The following SPTLC2 variants were observed in gnomAD, a reference collection of about 807,000 sequenced individuals.
SPTLC2 encodes the protein serine palmitoyltransferase long chain base subunit 2.
In SPTLC2, 21 loss-of-function variants were observed where a neutral mutation model predicts 62.0. The observed-to-expected ratio is 0.34, with a 90% CI of 0.24 to 0.49. The LOEUF (loss-of-function observed/expected upper bound fraction) is 0.49. Ranked by LOEUF, SPTLC2 falls within the 20% of genes least tolerant of loss-of-function variation. The probability of loss-of-function intolerance (pLI) is 0.99; values close to 1 mark genes in which losing one functional copy is unlikely to be tolerated. For missense variants in SPTLC2, 511 were observed against 713.0 expected (o/e 0.72, Z 3.23); for synonymous variants, 261 against 261.8 (o/e 1.00, Z 0.03).
chr14:77,522,836 TACATG>T (rs368680097), intron 9 of SPTLC2, among the ~76,000 whole-genome samples: 9 of 152,338 alleles, frequency 5.9e-5, no homozygotes, highest in South Asian at 4.1e-4. Flanking sequence ...CCAAGCATGA[TACATG>T]ACATAAGTTC....
At chr14:77,514,230 G>A (rs2139990600) in intron 11 of SPTLC2, among the ~76,000 whole-genome samples, 1 of 152,118 alleles carries the variant, frequency 6.6e-6, no homozygotes, top group African/African-American at 2.4e-5. Context: ...ACAAAGTAAT[G>A]GACATTTATA....
intron 2 of SPTLC2, among the ~76,000 whole-genome samples, chr14:77,585,922 C>T (rs547028514): frequency 1.3e-5 from 2 of 152,172 alleles, no homozygotes; most frequent in South Asian, 4.1e-4. Flanking sequence ...GAGCATAGCC[C>T]TAAACGTAAA....
chr14:77,591,814 CTCT>C (rs2079819190), intron 2 of SPTLC2, among the ~76,000 whole-genome samples: 1 of 152,100 alleles, frequency 6.6e-6, no homozygotes, highest in Non-Finnish European at 1.5e-5. Context: ...ACCTCCACCT[CTCT>C]GGTTCAAGTG....
chr14:77,571,233 G>C (rs1423502401), intron 4 of SPTLC2, among the ~76,000 whole-genome samples: 1 of 152,202 alleles, frequency 6.6e-6, no homozygotes, highest in Non-Finnish European at 1.5e-5. Context: ...CTTCCTGGCA[G>C]GGTGCAGTGG....
intron 9 of SPTLC2, among the ~76,000 whole-genome samples, chr14:77,529,253 CT>C (rs67561245): frequency 0.34 from 41,362 of 121,536 alleles, 5,982 homozygotes; most frequent in East Asian, 0.41. Flanking sequence ...AAAACTTCTT[CT>C]TTTTTTTTTT....
chr14:77,557,281 A>G, intron 6 of SPTLC2, 135 bp from the exon 7 acceptor site: 1 of 757,942 alleles, frequency 1.3e-6, no homozygotes, highest in Non-Finnish European at 2.2e-6. Context: ...TGGGCAGAAA[A>G]AAGCAGGGCA....
intron 9 of SPTLC2, among the ~76,000 whole-genome samples, chr14:77,536,811 G>T (rs933400113): frequency 1.6e-4 from 25 of 152,028 alleles, no homozygotes; most frequent in African/African-American, 5.6e-4. Context: ...AAACTCCTAT[G>T]GACAATTTTC....
chr14:77,520,070 T>G (rs1290807790), intron 10 of SPTLC2, among the ~76,000 whole-genome samples: 1 of 152,164 alleles, frequency 6.6e-6, no homozygotes, highest in African/African-American at 2.4e-5. Context: ...GTCCTGTACC[T>G]TCTCTAAATC....
At chr14:77,615,638 GATA>G (rs1287195192) in intron 1 of SPTLC2, among the ~76,000 whole-genome samples, 1 of 152,230 alleles carries the variant, frequency 6.6e-6, no homozygotes, top group Admixed American at 6.5e-5. Context: ...CTGTAAGGTT[GATA>G]ATAAGCATTG....
intron 2 of SPTLC2, among the ~76,000 whole-genome samples, chr14:77,595,668 T>C (rs1303661605): frequency 6.6e-6 from 1 of 152,192 alleles, no homozygotes; most frequent in African/African-American, 2.4e-5. Context: ...TAACTGACAA[T>C]GTTTTCGTGA....
intron 9 of SPTLC2, among the ~76,000 whole-genome samples, chr14:77,524,042 CTA>C (rs2079397350): frequency 6.6e-6 from 1 of 151,852 alleles, no homozygotes. Context: ...TAAATATGAT[CTA>C]TATGTTCAAA....
chr14:77,589,984 A>G (rs796081136), intron 2 of SPTLC2, among the ~76,000 whole-genome samples: 11,153 of 151,598 alleles, frequency 0.074, 549 homozygotes, highest in Admixed American at 0.15. Flanking sequence ...TCTCAAAAAA[A>G]AAAAAAAAAA....
At chr14:77,549,953 C>G (rs2079547496) in intron 9 of SPTLC2, among the ~76,000 whole-genome samples, 1 of 152,146 alleles carries the variant, frequency 6.6e-6, no homozygotes, top group Admixed American at 6.5e-5. Flanking sequence ...AACCTGTGTG[C>G]TGAATCAGTA....
At position 77,597,324 on chromosome 14, in the gene SPTLC2, A is replaced by G. The variant is rs1340315883; in HGVS notation, c.189T>C (p.Phe63=). The change falls in exon 2 of 12, where the codon TTT becomes TTC. Residue 63 remains phenylalanine (F), a synonymous_variant. Coordinates refer to ENST00000216484, the MANE Select transcript of SPTLC2 (RefSeq NM_004863.4). ...GLYKRPFNEA[F]EETPMLVAVL... Reference sequence around the variant, plus strand: ...CAGCAACCAGCATTGGTGTTTCTTCAAAAGCTTCATTAAACGGTCTTTTAT... The same window carrying G: ...CAGCAACCAGCATTGGTGTTTCTTCGAAAGCTTCATTAAACGGTCTTTTAT... 6.2e-7 allele frequency: 1 copy of G among 1,614,086 alleles called. No individual in the cohort carries two copies. Among genetic ancestry groups the G allele is most frequent in the African/African-American group, 1.3e-5 (1 of 74,936 alleles).
chr14:77,600,859 GA>G (rs1181231585), intron 1 of SPTLC2, among the ~76,000 whole-genome samples: 1 of 151,706 alleles, frequency 6.6e-6, no homozygotes, highest in Non-Finnish European at 1.5e-5. Context: ...ACAAGAGAAG[GA>G]AAAAAAATCA....
chr14:77,586,728 G>C (rs756684949), intron 2 of SPTLC2, among the ~76,000 whole-genome samples: 1 of 152,116 alleles, frequency 6.6e-6, no homozygotes, highest in African/African-American at 2.4e-5. Flanking sequence ...CACAAACCCA[G>C]TAGAAAAACG....
At chr14:77,591,730 G>GTATGTATGTATT (rs372095112) in intron 2 of SPTLC2, among the ~76,000 whole-genome samples, 13,223 of 130,982 alleles carry the variant, frequency 0.1, 723 homozygotes, top group Middle Eastern at 0.14. Flanking sequence ...ATGTATGTAT[G>GTATGTATGTATT]TATTTATTTT....
At chr14:77,541,368 A>G (rs1209171871) in intron 9 of SPTLC2, among the ~76,000 whole-genome samples, 1 of 152,150 alleles carries the variant, frequency 6.6e-6, no homozygotes, top group Non-Finnish European at 1.5e-5. Flanking sequence ...ATAACAAACT[A>G]ATTCTTACCA....
At chr14:77,553,191 T>C (rs1374515797) in intron 8 of SPTLC2, among the ~76,000 whole-genome samples, 2 of 152,138 alleles carry the variant, frequency 1.3e-5, no homozygotes, top group Non-Finnish European at 2.9e-5. Flanking sequence ...ATCTTTAAAA[T>C]GCACACACAA....
Sources: allele counts gnomAD v4.1 joint callset (sites outside exome capture counted in the v4.1 genomes callset), GRCh38; gene constraint gnomAD v4.1.1; transcripts MANE v1.5; gene names NCBI Gene and HGNC (gene_info 2026-07-23, HGNC 2026-07-21).